Variants in GPC3 observed in about 807,000 individuals in gnomAD.
GPC3 encodes the protein glypican 3.
GPC3 carries 3 observed loss-of-function variants against 34.4 expected under a neutral mutation model. That is an observed-to-expected ratio of 0.09 (90% CI 0.04 to 0.23). GPC3 has a LOEUF of 0.23. Among genes scored for constraint, GPC3 ranks in the 10% least tolerant of loss-of-function variants. The probability of loss-of-function intolerance (pLI) is 1.00; values close to 1 mark genes in which losing one functional copy is unlikely to be tolerated. For synonymous variants in GPC3, 177 were observed against 174.0 expected (o/e 1.02, Z -0.13); for missense variants, 351 against 445.6 (o/e 0.79, Z 1.91).
chrX:133,720,272 C>A (rs2071350618), intron 3 of GPC3, among the ~76,000 whole-genome samples: 1 of 111,978 alleles, frequency 8.9e-6, no homozygotes, highest in African/African-American at 3.2e-5. Flanking sequence ...AATATGGAAC[C>A]AACCTAAATG....
chrX:133,596,918 T>C (rs756905073), intron 6 of GPC3, among the ~76,000 whole-genome samples: 3 of 110,744 alleles, frequency 2.7e-5, no homozygotes, highest in Non-Finnish European at 5.7e-5. Context: ...AATTCACTGA[T>C]GAGGAACTTA....
intron 5 of GPC3, among the ~76,000 whole-genome samples, chrX:133,674,413 G>C (rs977482170): frequency 9.0e-6 from 1 of 110,884 alleles, no homozygotes; most frequent in African/African-American, 3.3e-5. Context: ...TATCATCAGG[G>C]AAAATGGGCA....
chrX:133,713,720 A>C (rs1369485411), intron 3 of GPC3, among the ~76,000 whole-genome samples: 1 of 112,335 alleles, frequency 8.9e-6, no homozygotes, highest in Non-Finnish European at 1.9e-5. Context: ...CTGTTACTTC[A>C]AGGAAAACAA....
chrX:133,968,815 A>T (rs1246852437), intron 1 of GPC3, among the ~76,000 whole-genome samples: 1 of 109,196 alleles, frequency 9.2e-6, no homozygotes, highest in Non-Finnish European at 1.9e-5. Flanking sequence ...GTTTTTTAAG[A>T]AGAGAAAAAG....
intron 3 of GPC3, among the ~76,000 whole-genome samples, chrX:133,740,762 C>T (rs999681390): frequency 4.5e-5 from 5 of 111,027 alleles, no homozygotes; most frequent in Admixed American, 2.9e-4. Context: ...TGTAGAAGCC[C>T]TATATCTTTT....
intron 6 of GPC3, among the ~76,000 whole-genome samples, chrX:133,599,271 T>C (rs987080025): frequency 8.9e-6 from 1 of 112,221 alleles, no homozygotes; most frequent in African/African-American, 3.2e-5. Flanking sequence ...GTGCAAGAGA[T>C]GAGGTTTAAT....
chrX:133,910,444 C>T (rs1187302042), intron 2 of GPC3, among the ~76,000 whole-genome samples: 1 of 111,274 alleles, frequency 9.0e-6, no homozygotes, highest in Admixed American at 9.5e-5. Context: ...AGTGCTAGTT[C>T]CAGCTTTTAC....
Position 133,669,178 on chromosome X carries a change from A to C in GPC3, c.1293-7328T>G, listed in dbSNP as rs184458328. Among the ~76,000 whole-genome samples, 300 of 112,349 alleles carry C rather than the reference A, an allele frequency of 2.7e-3. 3 individuals are homozygous for C. The highest frequency in any genetic ancestry group is 8.5e-3 in the African/African-American group (262 of 30,940). ...TGACATACTTGTGTTCTTGGGAGAC[A>C]AGGTGTTGAAGTTAGAGAAATAAAT... On this transcript the variant is annotated intron_variant, in intron 5 of 7. Coordinates refer to ENST00000370818, the MANE Select transcript of GPC3 (RefSeq NM_004484.4).
chrX:133,866,734 T>C (rs1396491736), intron 2 of GPC3, among the ~76,000 whole-genome samples: 1 of 111,693 alleles, frequency 9.0e-6, no homozygotes, highest in Non-Finnish European at 1.9e-5. Flanking sequence ...TTTTTCTTTT[T>C]TTTTGGAAGA....
At chrX:133,909,606 G>A (rs1471043977) in intron 2 of GPC3, among the ~76,000 whole-genome samples, 2 of 111,391 alleles carry the variant, frequency 1.8e-5, no homozygotes. Flanking sequence ...ACTGCCTTGA[G>A]GAAGTGAAAA....
chrX:133,771,238 C>G (rs1367794083), intron 2 of GPC3, among the ~76,000 whole-genome samples: 7 of 112,469 alleles, frequency 6.2e-5, no homozygotes, highest in Non-Finnish European at 1.3e-4. Context: ...CATTCAAGAC[C>G]GCTTATTTTA....
chrX:133,620,285 G>C (rs1018819306), intron 6 of GPC3, among the ~76,000 whole-genome samples: 2 of 107,787 alleles, frequency 1.9e-5, no homozygotes, highest in Non-Finnish European at 3.8e-5. Flanking sequence ...CCTGTGAAAA[G>C]ATATTTCCTT....
chrX:133,885,939 A>G (rs2076059876), intron 2 of GPC3, among the ~76,000 whole-genome samples: 1 of 111,621 alleles, frequency 9.0e-6, no homozygotes, highest in Non-Finnish European at 1.9e-5. Context: ...GAAATGTGAA[A>G]TGTACTGAAG....
intron 2 of GPC3, among the ~76,000 whole-genome samples, chrX:133,874,770 T>C (rs983137295): frequency 2.7e-5 from 3 of 112,214 alleles, no homozygotes; most frequent in Non-Finnish European, 5.6e-5. Flanking sequence ...AATGTAAATA[T>C]AAACAGGCTT....
chrX:133,710,949 C>T (rs2071260999), intron 3 of GPC3, among the ~76,000 whole-genome samples: 1 of 111,857 alleles, frequency 8.9e-6, no homozygotes, highest in Admixed American at 9.5e-5. Context: ...CATTAATGTG[C>T]AGATTAAAAG....
chrX:133,980,897 G>C (rs1435453710), intron 1 of GPC3, among the ~76,000 whole-genome samples: 2 of 112,067 alleles, frequency 1.8e-5, no homozygotes, highest in Non-Finnish European at 3.8e-5. Flanking sequence ...AGCAAACATT[G>C]CAACTCTAAA....
At chrX:133,639,119 C>A (rs898089575) in intron 6 of GPC3, among the ~76,000 whole-genome samples, 4 of 111,943 alleles carry the variant, frequency 3.6e-5, no homozygotes, top group African/African-American at 1.3e-4. Context: ...CACAGTTTCA[C>A]ACCTCTGTGC....
intron 2 of GPC3, among the ~76,000 whole-genome samples, chrX:133,822,947 G>T (rs2075726769): frequency 9.3e-6 from 1 of 107,746 alleles, no homozygotes; most frequent in African/African-American, 3.4e-5. Flanking sequence ...TGGCCGATAT[G>T]GCGAAACCCG....
intron 6 of GPC3, among the ~76,000 whole-genome samples, chrX:133,657,914 G>A (rs1425520801): frequency 2.8e-5 from 3 of 108,729 alleles, no homozygotes; most frequent in Non-Finnish European, 5.7e-5. Flanking sequence ...GAGAGAGAGA[G>A]AGAGAGAGAG....
Sources: allele counts gnomAD v4.1 joint callset (sites outside exome capture counted in the v4.1 genomes callset), GRCh38; gene constraint gnomAD v4.1.1; transcripts MANE v1.5; gene names NCBI Gene and HGNC (gene_info 2026-07-23, HGNC 2026-07-21).